The following CNTNAP5 variants were observed in gnomAD, a reference collection of about 807,000 sequenced individuals.
CNTNAP5 encodes contactin associated protein family member 5, also known as contactin-associated protein-like 5.
In CNTNAP5, 72 loss-of-function variants were observed where a neutral mutation model predicts 150.2. The ratio of observed to expected loss-of-function variants is 0.48; its 90% CI spans 0.40 to 0.58. The LOEUF (loss-of-function observed/expected upper bound fraction) is 0.58. CNTNAP5 is among the 20% of genes least tolerant of loss of function. The pLI is 0.00. For synonymous variants in CNTNAP5, 672 were observed against 619.8 expected, an observed-to-expected ratio of 1.08 and a Z score of -1.25; for missense variants, 1,636 against 1,626.2, an observed-to-expected ratio of 1.01 and a Z score of -0.10.
chr2:124,431,546 ATAT>A (rs1692382767), intron 4 of CNTNAP5, among the ~76,000 whole-genome samples: 1 of 144,666 alleles, frequency 6.9e-6, no homozygotes, highest in South Asian at 2.1e-4. Context: ...CTTTATATAA[ATAT>A]TATATATAAT....
intron 7 of CNTNAP5, 65 bp downstream of exon 7, chr2:124,474,947 C>A: frequency 7.1e-7 from 1 of 1,410,728 alleles, no homozygotes; most frequent in Non-Finnish European, 9.7e-7. Flanking sequence ...TTGCTTTCAC[C>A]AGCCCATTCC....
chr2:124,864,291 T>A (rs1677583322), intron 19 of CNTNAP5, among the ~76,000 whole-genome samples: 2 of 152,192 alleles, frequency 1.3e-5, no homozygotes, highest in South Asian at 4.1e-4. Flanking sequence ...AATACATATA[T>A]GTATAGTGAT....
intron 3 of CNTNAP5, among the ~76,000 whole-genome samples, chr2:124,392,814 AGTTT>A (rs1291899744): frequency 6.6e-6 from 1 of 151,924 alleles, no homozygotes; most frequent in Non-Finnish European, 1.5e-5. Context: ...AGCTTTGGTC[AGTTT>A]GCTTTGGCTA....
intron 3 of CNTNAP5, among the ~76,000 whole-genome samples, chr2:124,335,938 A>G (rs568898020): frequency 1.3e-5 from 2 of 152,216 alleles, no homozygotes; most frequent in Non-Finnish European, 2.9e-5. Flanking sequence ...AAGAAAGGAC[A>G]TACATATTTA....
intron 3 of CNTNAP5, among the ~76,000 whole-genome samples, chr2:124,252,368 A>T (rs780038): frequency 0.8 from 121,444 of 152,006 alleles, 48,638 homozygotes; most frequent in South Asian, 0.87. Context: ...GCATCCCTCA[A>T]ACCCAGAAAT....
chr2:124,602,332 C>T (rs1365381376), intron 11 of CNTNAP5, among the ~76,000 whole-genome samples: 1 of 91,358 alleles, frequency 1.1e-5, no homozygotes, highest in Non-Finnish European at 2.0e-5. Context: ...CAGAGCAAGA[C>T]TTCACCAAAA....
At chr2:124,153,334 C>T (rs530994600) in intron 1 of CNTNAP5, among the ~76,000 whole-genome samples, 1 of 152,238 alleles carries the variant, frequency 6.6e-6, no homozygotes, top group East Asian at 1.9e-4. Context: ...TGGCATCCAA[C>T]CTTGCTGGGT....
At chr2:124,859,707 C>T (rs535087188) in intron 19 of CNTNAP5, among the ~76,000 whole-genome samples, 11 of 152,258 alleles carry the variant, frequency 7.2e-5, no homozygotes, top group Non-Finnish European at 1.3e-4. Context: ...GGCACATATA[C>T]ACCATGGAAT....
At chr2:124,412,329 C>A (rs942478094) in intron 3 of CNTNAP5, among the ~76,000 whole-genome samples, 138 of 148,932 alleles carry the variant, frequency 9.3e-4, no homozygotes, top group African/African-American at 3.3e-3. Flanking sequence ...GATTCAATGC[C>A]ATCCCCATAA....
intron 6 of CNTNAP5, among the ~76,000 whole-genome samples, chr2:124,467,247 G>A (rs934315145): frequency 1.2e-4 from 18 of 152,260 alleles, no homozygotes; most frequent in Admixed American, 8.5e-4. Flanking sequence ...CCTAGAGCCT[G>A]GTTGAGGAAG....
chr2:124,208,147 C>T (rs1685911703), intron 1 of CNTNAP5, among the ~76,000 whole-genome samples: 1 of 152,132 alleles, frequency 6.6e-6, no homozygotes, highest in African/African-American at 2.4e-5. Flanking sequence ...CCTGGTAGGT[C>T]ATTTCATAGA....
chr2:124,743,023 C>T (rs1057116339), intron 13 of CNTNAP5, among the ~76,000 whole-genome samples: 3 of 152,104 alleles, frequency 2.0e-5, no homozygotes, highest in East Asian at 1.9e-4. Flanking sequence ...AGACCTCTAC[C>T]GCGGAGAGAT....
At chr2:124,368,609 C>T (rs1014982808) in intron 3 of CNTNAP5, among the ~76,000 whole-genome samples, 1 of 151,900 alleles carries the variant, frequency 6.6e-6, no homozygotes, top group Non-Finnish European at 1.5e-5. Flanking sequence ...TATCATTGAA[C>T]AAGGACATAA....
chr2:124,668,547 C>G (rs1678746586), intron 13 of CNTNAP5, among the ~76,000 whole-genome samples: 1 of 152,138 alleles, frequency 6.6e-6, no homozygotes, highest in African/African-American at 2.4e-5. Flanking sequence ...ACACTTGTTT[C>G]CCTCCACAGG....
At chr2:124,762,423 G>A (rs761483791) in intron 14 of CNTNAP5, among the ~76,000 whole-genome samples, 1 of 151,954 alleles carries the variant, frequency 6.6e-6, no homozygotes, top group Non-Finnish European at 1.5e-5. Flanking sequence ...AAAATCATAG[G>A]TGGATGCATA....
chr2:124,225,902 T>C (rs2104745964), intron 2 of CNTNAP5, among the ~76,000 whole-genome samples: 1 of 152,286 alleles, frequency 6.6e-6, no homozygotes, highest in Middle Eastern at 3.4e-3. Flanking sequence ...GATATTTCAC[T>C]TAGTACAATG....
At chr2:124,798,423 T>C in intron 19 of CNTNAP5, 103 bp downstream of exon 19, 1 of 779,798 alleles carries the variant, frequency 1.3e-6, no homozygotes, top group Non-Finnish European at 2.1e-6. Context: ...GTTGGTCCCA[T>C]CTGGGAAGCT....
chr2:124,702,345 A>C (rs368972933), intron 13 of CNTNAP5, among the ~76,000 whole-genome samples: 31 of 71,500 alleles, frequency 4.3e-4, no homozygotes, highest in South Asian at 2.2e-3. Flanking sequence ...AACTATGAAC[A>C]CTTTTTTTTT....
At chr2:124,340,799 A>G (rs1021898309) in intron 3 of CNTNAP5, among the ~76,000 whole-genome samples, 16 of 115,402 alleles carry the variant, frequency 1.4e-4, no homozygotes, top group African/African-American at 5.2e-4. Context: ...ACATATATAT[A>G]TGTATACATG....
Sources: gnomAD v4.1 joint callset for allele counts (sites outside exome capture counted in the v4.1 genomes callset) on GRCh38, gnomAD v4.1.1 for gene constraint, MANE v1.5 for transcripts, NCBI Gene and HGNC (gene_info 2026-07-23, HGNC 2026-07-21) for gene names.